FKBP9: variants seen among roughly 807,000 people sequenced by gnomAD.
The protein encoded by FKBP9 is FKBP prolyl isomerase 9, also known as peptidyl-prolyl cis-trans isomerase FKBP9.
FKBP9 carries 27 observed loss-of-function variants against 55.6 expected under a neutral mutation model. The ratio of observed to expected loss-of-function variants is 0.49; its 90% confidence interval spans 0.36 to 0.67. The LOEUF (loss-of-function observed/expected upper bound fraction) is 0.67. Ranked by LOEUF, FKBP9 falls within the 30% of genes least tolerant of loss-of-function variation. The probability of loss-of-function intolerance (pLI) is 0.00; values close to 1 mark genes in which losing one functional copy is unlikely to be tolerated. For missense variants in FKBP9, 539 were observed against 742.8 expected, an observed-to-expected ratio of 0.73 and a Z score of 3.19; for synonymous variants, 267 against 296.5, an observed-to-expected ratio of 0.90 and a Z score of 1.02.
At chr7:32,979,548 T>C (rs768854632) in intron 4 of FKBP9, 1 of 1,550,564 alleles carries the variant, frequency 6.4e-7, no homozygotes. Context: ...TTTGCTTGTC[T>C]GGGCCTACTC....
At chr7:32,987,471 G>C (rs1032426122) in intron 5 of FKBP9, among the ~76,000 whole-genome samples, 2 of 144,906 alleles carry the variant, frequency 1.4e-5, no homozygotes, top group Non-Finnish European at 3.0e-5. Context: ...CTCCAGCCTG[G>C]GAGACAGAGC....
At chr7:32,958,562 G>A (rs1783952232) in intron 1 of FKBP9, among the ~76,000 whole-genome samples, 1 of 152,212 alleles carries the variant, frequency 6.6e-6, no homozygotes, top group African/African-American at 2.4e-5. Context: ...TTGAGAGAAC[G>A]AGGCGGGAGG....
intron 5 of FKBP9, among the ~76,000 whole-genome samples, chr7:32,983,740 A>G (rs1043644597): frequency 3.3e-5 from 5 of 152,234 alleles, no homozygotes; most frequent in African/African-American, 1.2e-4. Flanking sequence ...TATCATTTAA[A>G]AATTATCTTG....
At chr7:32,982,560 G>T (rs1583856734) in intron 5 of FKBP9, among the ~76,000 whole-genome samples, 1 of 152,052 alleles carries the variant, frequency 6.6e-6, no homozygotes, top group East Asian at 1.9e-4. Context: ...CCCTATTGAT[G>T]AATATTTGAG....
intron 1 of FKBP9, among the ~76,000 whole-genome samples, 177 bp from the exon 2 acceptor site, chr7:32,974,440 T>G (rs937371159): frequency 1.3e-5 from 2 of 152,130 alleles, no homozygotes; most frequent in Non-Finnish European, 2.9e-5. Context: ...AGTCTAAAAT[T>G]TCCAACCCTA....
At chr7:32,970,057 C>CA (rs200299666) in intron 1 of FKBP9, among the ~76,000 whole-genome samples, 3,320 of 150,596 alleles carry the variant, frequency 0.022, 112 homozygotes, top group African/African-American at 0.076. Flanking sequence ...TCTATTTCTG[C>CA]AAAAAATGCC....
At chr7:32,999,690 G>A (rs1784892729) in intron 7 of FKBP9, among the ~76,000 whole-genome samples, 1 of 152,066 alleles carries the variant, frequency 6.6e-6, no homozygotes, top group African/African-American at 2.4e-5. Context: ...AAATTAAGTG[G>A]CAGAACCAGG....
At chr7:32,975,034 G>A in intron 2 of FKBP9, 148 bp from the exon 3 acceptor site, 3 of 689,278 alleles carry the variant, frequency 4.4e-6, no homozygotes, top group South Asian at 3.8e-5. Context: ...GAGGAAAGAG[G>A]GAGGAAGAAT....
At chr7:32,999,502 T>C (rs554558423) in intron 7 of FKBP9, among the ~76,000 whole-genome samples, 1 of 151,046 alleles carries the variant, frequency 6.6e-6, no homozygotes, top group African/African-American at 2.4e-5. Flanking sequence ...AGTCTTAGAC[T>C]GCTACAGACA....
intron 1 of FKBP9, among the ~76,000 whole-genome samples, chr7:32,964,748 G>T (rs1784099046): frequency 6.6e-6 from 1 of 152,208 alleles, no homozygotes; most frequent in African/African-American, 2.4e-5. Flanking sequence ...AATAGTCTTA[G>T]GCAAAGGGTC....
chr7:32,967,516 G>A (rs1386331634), intron 1 of FKBP9, among the ~76,000 whole-genome samples: 5 of 152,094 alleles, frequency 3.3e-5, no homozygotes, highest in Non-Finnish European at 5.9e-5. Context: ...TTCATTTTAC[G>A]TAATCTCCTC....
In FKBP9 at chr7:32,957,444, C is replaced by CG. The variant is rs1783920921; in HGVS notation, c.-126dup. On this transcript the variant is annotated 5_prime_UTR_variant, in exon 1 of 10. Coordinates refer to ENST00000242209, the MANE Select transcript of FKBP9 (RefSeq NM_007270.5). Reference sequence around the variant, plus strand: ...CCGGGAGGGCGGGCGGCCGGGGAGACGGGGTGGCGGCTGCAGCCCGGGTAG... The same window carrying CG: ...CCGGGAGGGCGGGCGGCCGGGGAGACGGGGGTGGCGGCTGCAGCCCGGGTAG... 1.6e-6 allele frequency: 1 copy of CG among 627,736 alleles called. No homozygotes were observed. Among genetic ancestry groups the CG allele is most frequent in the African/African-American group, 1.9e-5 (1 of 51,898 alleles). 38.9% of individuals were successfully genotyped at this position (627,736 alleles called of 1,614,324 possible). A position where few individuals can be genotyped will look rare whatever the true frequency, so the allele number is the denominator to read the frequency against.
chr7:32,992,236 T>C (rs1234513302), intron 6 of FKBP9, among the ~76,000 whole-genome samples: 32 of 140,978 alleles, frequency 2.3e-4, no homozygotes, highest in Non-Finnish European at 3.1e-4. Context: ...GGAAACCCAC[T>C]CCCCTCAGAA....
At position 32,996,053 on chromosome 7, in the gene FKBP9, C is replaced by T. The variant is rs1351861635; in HGVS notation, c.1040-110C>T. The T allele has an allele frequency of 5.9e-6, 5 of 853,130 alleles. No individual in the cohort carries two copies. The East Asian group carries it at 1.2e-4, about 21-fold the overall frequency. The allele number at this position is 853,130 out of a possible 1,614,324, so 52.8% of individuals were successfully genotyped here. A position where few individuals can be genotyped will look rare whatever the true frequency, so the allele number is the denominator to read the frequency against. Reference sequence around the variant, plus strand: ...CCTCCTAGGGTTCTGTATCTGGGTGCCCGTTTTCCTCACTTGGAGGGCCTT... The same window carrying T: ...CCTCCTAGGGTTCTGTATCTGGGTGTCCGTTTTCCTCACTTGGAGGGCCTT... On this transcript the variant is annotated intron_variant, in intron 6 of 9. Coordinates refer to ENST00000242209, the MANE Select transcript of FKBP9 (RefSeq NM_007270.5).
At chr7:32,960,524 A>G (rs111977801) in intron 1 of FKBP9, among the ~76,000 whole-genome samples, 2,205 of 152,294 alleles carry the variant, frequency 0.014, 27 homozygotes, top group African/African-American at 0.025. Context: ...CGTATTGACC[A>G]TTTGTGTATC....
intron 7 of FKBP9, chr7:32,998,424 C>T (rs1784859311): frequency 1.3e-5 from 2 of 152,140 alleles, no homozygotes; most frequent in South Asian, 4.1e-4. Flanking sequence ...GAGTCAGTCT[C>T]CCTGCCTCCT....
chr7:32,988,067 C>T (rs1464033311), intron 5 of FKBP9, among the ~76,000 whole-genome samples: 1 of 151,858 alleles, frequency 6.6e-6, no homozygotes, highest in Non-Finnish European at 1.5e-5. Context: ...GTAGTCTCAG[C>T]TACTTGGGAG....
At chr7:32,958,747 C>A (rs1783955778) in intron 1 of FKBP9, among the ~76,000 whole-genome samples, 1 of 152,198 alleles carries the variant, frequency 6.6e-6, no homozygotes, top group Non-Finnish European at 1.5e-5. Flanking sequence ...ATATCAAGCC[C>A]AGAACTCCTT....
intron 1 of FKBP9, among the ~76,000 whole-genome samples, chr7:32,969,682 A>G (rs982673362): frequency 1.3e-5 from 2 of 152,122 alleles, no homozygotes; most frequent in African/African-American, 2.4e-5. Flanking sequence ...CTTCTTTCTC[A>G]GGATTGTTTT....
Sources: allele counts gnomAD v4.1 joint callset (sites outside exome capture counted in the v4.1 genomes callset), GRCh38; gene constraint gnomAD v4.1.1; transcripts MANE v1.5; gene names NCBI Gene and HGNC (gene_info 2026-07-23, HGNC 2026-07-21).